MAGEA11: variants seen among roughly 807,000 people sequenced by gnomAD.
MAGEA11 encodes MAGE family member A11.
MAGEA11 carries 1 observed loss-of-function variant against 8.4 expected under a neutral mutation model. The observed-to-expected ratio is 0.12, with a 90% CI of 0.04 to 0.57. The LOEUF (loss-of-function observed/expected upper bound fraction) is 0.57. Among genes scored for constraint, MAGEA11 ranks in the 20% least tolerant of loss-of-function variants. The pLI is 0.91. For synonymous variants in MAGEA11, 127 were observed against 119.3 expected (o/e 1.06, Z -0.42); for missense variants, 209 against 317.3 (o/e 0.66, Z 2.59).
chrX:149,708,199 A>G (rs2090385237), upstream of MAGEA11, among the ~76,000 whole-genome samples: 1 of 112,090 alleles, frequency 8.9e-6, no homozygotes, highest in Non-Finnish European at 1.9e-5. Flanking sequence ...CCCGAGGGTG[A>G]TATCCAGAAT....
chrX:149,695,015 C>A (rs972972862), intron 1 of MAGEA11, among the ~76,000 whole-genome samples: 1 of 111,843 alleles, frequency 8.9e-6, no homozygotes, highest in Non-Finnish European at 1.9e-5. Context: ...CCACCACACC[C>A]GGCCAATTTT....
intron 1 of MAGEA11, among the ~76,000 whole-genome samples, chrX:149,712,914 G>T (rs1244399001): frequency 8.9e-6 from 1 of 112,462 alleles, no homozygotes; most frequent in Non-Finnish European, 1.9e-5. Context: ...TGTCAGTCCT[G>T]GGAAGTTCCT....
chrX:149,691,861 A>C (rs145848374), intron 1 of MAGEA11, among the ~76,000 whole-genome samples: 334 of 112,658 alleles, frequency 3.0e-3, no homozygotes, highest in Non-Finnish European at 5.1e-3. Context: ...GGCTCACTTT[A>C]TTTTCTATCT....
intron 3 of MAGEA11, 119 bp downstream of exon 3, chrX:149,714,695 C>T (rs1374207025): frequency 7.5e-6 from 8 of 1,073,716 alleles, no homozygotes; most frequent in East Asian, 3.3e-5. Context: ...TGTGCTGAGA[C>T]CCCTCTCTTA....
chrX:149,693,556 G>C (rs2090318647), intron 1 of MAGEA11, among the ~76,000 whole-genome samples: 2 of 111,558 alleles, frequency 1.8e-5, no homozygotes, highest in South Asian at 7.6e-4. Flanking sequence ...TGTGTTGTCA[G>C]TTTGCTTTCT....
intron 1 of MAGEA11, among the ~76,000 whole-genome samples, chrX:149,706,204 T>C (rs2090376503): frequency 8.9e-6 from 1 of 112,122 alleles, no homozygotes; most frequent in African/African-American, 3.2e-5. Flanking sequence ...AAGAAAGCCT[T>C]ACCCTTCCTG....
chrX:149,694,608 G>T (rs187394854), intron 1 of MAGEA11, among the ~76,000 whole-genome samples: 1 of 112,046 alleles, frequency 8.9e-6, no homozygotes, highest in Non-Finnish European at 1.9e-5. Context: ...AATCTATTTC[G>T]AATCTTCTCA....
intron 1 of MAGEA11, among the ~76,000 whole-genome samples, chrX:149,706,746 G>C (rs5983933): frequency 9.0e-6 from 1 of 111,298 alleles, no homozygotes; most frequent in African/African-American, 3.2e-5. Context: ...AGATACGGGA[G>C]ACTGTGGGCA....
intron 1 of MAGEA11, among the ~76,000 whole-genome samples, chrX:149,694,846 C>T (rs782187157): frequency 7.1e-4 from 78 of 110,418 alleles, no homozygotes; most frequent in African/African-American, 2.3e-3. Context: ...CTCAGCCTCC[C>T]GAGTACGTGG....
At chrX:149,690,439 TTAG>T (rs1425071097) in intron 1 of MAGEA11, among the ~76,000 whole-genome samples, 4 of 112,329 alleles carry the variant, frequency 3.6e-5, no homozygotes, top group Non-Finnish European at 7.5e-5. Flanking sequence ...GCTCACCTTA[TTAG>T]TATACCTCAT....
chrX:149,701,887 C>T (rs1163761604), intron 1 of MAGEA11, among the ~76,000 whole-genome samples: 2 of 111,447 alleles, frequency 1.8e-5, no homozygotes, highest in Admixed American at 9.5e-5. Context: ...AGATATGCGG[C>T]GTTATTTCTG....
chrX:149,711,969 C>T, upstream of MAGEA11: 1 of 648,278 alleles, frequency 1.5e-6, no homozygotes, highest in Non-Finnish European at 1.8e-6. Context: ...CGCCCCGCCT[C>T]GCCTCGCCCC....
chrX:149,694,702 T>C (rs782253313), intron 1 of MAGEA11, among the ~76,000 whole-genome samples: 30 of 111,527 alleles, frequency 2.7e-4, no homozygotes, highest in Non-Finnish European at 4.7e-4. Flanking sequence ...CTTTTCTTTC[T>C]CTTTCTTTCT....
chrX:149,713,044 G>A lies in MAGEA11; in HGVS notation c.-17-99G>A, dbSNP rs2090409475. 7.8e-6 allele frequency: 4 copies of A among 515,025 alleles called. 1 individual carries two copies. The Middle Eastern group carries it at 1.1e-3, about 137-fold the overall frequency. The allele number at this position is 515,025 out of a possible 1,213,427, so 42.4% of individuals were successfully genotyped here. On this transcript the variant is annotated intron_variant, in intron 1 of 4. Coordinates refer to ENST00000355220, the MANE Select transcript of MAGEA11 (RefSeq NM_005366.5). The stretch of plus-strand genomic sequence containing the variant: ...AGACAGGGCTCAGTCCCTGCTGGGA[G>A]GTGAGCAAGGCCTGAGGGACAACTG...
chrX:149,689,976 C>A (rs1165946914), intron 1 of MAGEA11, among the ~76,000 whole-genome samples: 1 of 112,258 alleles, frequency 8.9e-6, no homozygotes, highest in Non-Finnish European at 1.9e-5. Context: ...TTGCAAGGAT[C>A]TTCCTTAGTG....
At position 149,716,500 on chromosome X, in the gene MAGEA11, G is replaced by A. The variant is rs1253758653; in HGVS notation, c.1014G>A (p.Leu338=). Residue 338 remains leucine (L), a synonymous_variant, in exon 5 of 5, where the codon CTG becomes CTA. Transcript: ENST00000355220. ...CTGAAGAGGTTATGTGGGAAGTCCT[G>A]AGCATTATGGGGGTGTATGCTGGAA... ...CIPEEVMWEV[L]SIMGVYAGRE... The A allele has an allele frequency of 9.1e-6, 11 of 1,210,020 alleles. No individual in the cohort carries two copies. Among genetic ancestry groups the A allele is most frequent in the Non-Finnish European group, 1.2e-5 (11 of 895,176 alleles).
intron 1 of MAGEA11, among the ~76,000 whole-genome samples, chrX:149,703,547 A>G (rs1466537049): frequency 2.7e-5 from 3 of 111,713 alleles, no homozygotes; most frequent in Non-Finnish European, 5.6e-5. Flanking sequence ...GGAATTCTTC[A>G]AAGCAACTCT....
At chrX:149,700,409 A>G (rs1439656977) in intron 1 of MAGEA11, among the ~76,000 whole-genome samples, 1 of 111,643 alleles carries the variant, frequency 9.0e-6, no homozygotes, top group African/African-American at 3.3e-5. Flanking sequence ...TATCTTCATT[A>G]TCATTTATGT....
intron 1 of MAGEA11, among the ~76,000 whole-genome samples, chrX:149,694,774 T>C (rs1322400186): frequency 9.1e-6 from 1 of 110,173 alleles, no homozygotes; most frequent in Non-Finnish European, 1.9e-5. Context: ...CAGGCTGGAG[T>C]GCAATGGCAT....
Sources: allele counts gnomAD v4.1 joint callset (sites outside exome capture counted in the v4.1 genomes callset), GRCh38; gene constraint gnomAD v4.1.1; transcripts MANE v1.5; gene names NCBI Gene and HGNC (gene_info 2026-07-23, HGNC 2026-07-21).